Variants in SIL1 observed in about 807,000 individuals in gnomAD.
The protein encoded by SIL1 is nucleotide exchange factor SIL1.
SIL1 carries 40 observed loss-of-function variants against 49.1 expected under a neutral mutation model. That is an observed-to-expected ratio of 0.81 (90% confidence interval 0.63 to 1.06). The LOEUF (loss-of-function observed/expected upper bound fraction) is 1.06. Among genes scored for constraint, SIL1 ranks in the 50% least tolerant of loss-of-function variants. SIL1 has a pLI of 0.00. For synonymous variants in SIL1, 253 were observed against 250.8 expected (o/e 1.01, Z -0.08); for missense variants, 500 against 572.6 (o/e 0.87, Z 1.29).
At chr5:139,173,541 C>T (rs533842212) in intron 1 of SIL1, among the ~76,000 whole-genome samples, 61 of 151,908 alleles carry the variant, frequency 4.0e-4, no homozygotes, top group Non-Finnish European at 6.8e-4. Flanking sequence ...CAGAGTGAGA[C>T]GCTGTCTTAA....
intron 7 of SIL1, among the ~76,000 whole-genome samples, chr5:138,956,759 T>C (rs1287272177): frequency 1.4e-5 from 2 of 146,562 alleles, no homozygotes; most frequent in Non-Finnish European, 3.0e-5. Context: ...AAAAAAAAGA[T>C]ACAATTACCG....
chr5:139,038,907 A>T (rs998544194), intron 5 of SIL1, among the ~76,000 whole-genome samples: 6 of 152,238 alleles, frequency 3.9e-5, no homozygotes, highest in Non-Finnish European at 8.8e-5. Context: ...ACCCCAACAG[A>T]CACCATGTTA....
At chr5:139,101,896 C>T (rs896417784) in intron 3 of SIL1, among the ~76,000 whole-genome samples, 1 of 152,130 alleles carries the variant, frequency 6.6e-6, no homozygotes, top group African/African-American at 2.4e-5. Context: ...AATCCAGGGA[C>T]CACATAGAGA....
intron 1 of SIL1, among the ~76,000 whole-genome samples, chr5:139,174,937 C>CAAAAAAAAAAA (rs56959325): frequency 1.7e-5 from 1 of 59,844 alleles, no homozygotes; most frequent in African/African-American, 8.0e-5. Context: ...GACTGTGTCT[C>CAAAAAAAAAAA]AAAAAAAAAA....
chr5:139,014,755 G>C (rs1329751318), intron 7 of SIL1, among the ~76,000 whole-genome samples: 2 of 152,152 alleles, frequency 1.3e-5, no homozygotes, highest in Non-Finnish European at 2.9e-5. Context: ...AATTTCCTAG[G>C]CCAATCTCGG....
intron 9 of SIL1, among the ~76,000 whole-genome samples, chr5:138,949,181 G>A (rs1045487800): frequency 2.6e-5 from 4 of 152,140 alleles, no homozygotes; most frequent in African/African-American, 9.7e-5. Flanking sequence ...GTCCCCCTGC[G>A]GCCCTTCAGC....
chr5:139,109,469 T>G (rs1770794636), intron 3 of SIL1, among the ~76,000 whole-genome samples: 1 of 152,094 alleles, frequency 6.6e-6, no homozygotes, highest in Non-Finnish European at 1.5e-5. Flanking sequence ...CCTTCAAAAT[T>G]CACATTATTT....
chr5:139,029,273 G>A (rs904070101), intron 5 of SIL1, among the ~76,000 whole-genome samples: 1 of 152,210 alleles, frequency 6.6e-6, no homozygotes, highest in African/African-American at 2.4e-5. Flanking sequence ...CACTGCCACT[G>A]TTGATGAGCT....
intron 7 of SIL1, among the ~76,000 whole-genome samples, chr5:138,963,852 CT>C (rs1767078616): frequency 6.6e-6 from 1 of 152,192 alleles, no homozygotes; most frequent in South Asian, 2.1e-4. Flanking sequence ...TCAGGCCCCC[CT>C]AGCATGGGTT....
At chr5:139,004,599 T>C (rs192655285) in intron 7 of SIL1, among the ~76,000 whole-genome samples, 4 of 152,354 alleles carry the variant, frequency 2.6e-5, no homozygotes, top group African/African-American at 9.6e-5. Context: ...TCTAGTTTAC[T>C]TAATTACTCT....
At chr5:139,021,646 C>A (rs569990309) in intron 6 of SIL1, among the ~76,000 whole-genome samples, 36 of 152,232 alleles carry the variant, frequency 2.4e-4, no homozygotes, top group South Asian at 2.1e-3. Context: ...TCATCAGCAC[C>A]ACTAAATGGT....
At chr5:139,164,293 T>TAGA (rs1751575293) in intron 1 of SIL1, among the ~76,000 whole-genome samples, 2 of 152,134 alleles carry the variant, frequency 1.3e-5, no homozygotes, top group African/African-American at 4.8e-5. Context: ...CTTTCTCTAA[T>TAGA]GACTCCATCC....
intron 1 of SIL1, among the ~76,000 whole-genome samples, chr5:139,145,682 A>C (rs1038676914): frequency 8.2e-6 from 1 of 121,816 alleles, no homozygotes; most frequent in Non-Finnish European, 1.7e-5. Context: ...GTGTGTGTGT[A>C]TTTCCAATGG....
chr5:139,143,532 G>T (rs1467810851), intron 1 of SIL1, among the ~76,000 whole-genome samples: 1 of 151,652 alleles, frequency 6.6e-6, no homozygotes, highest in African/African-American at 2.4e-5. Flanking sequence ...CACCACACAT[G>T]GCTAAGTTTT....
At chr5:139,169,353 C>G (rs542767932) in intron 1 of SIL1, among the ~76,000 whole-genome samples, 1 of 152,150 alleles carries the variant, frequency 6.6e-6, no homozygotes, top group South Asian at 2.1e-4. Flanking sequence ...GGCAAAAGAT[C>G]TGCTTTCCAG....
intron 5 of SIL1, among the ~76,000 whole-genome samples, chr5:139,040,285 C>T (rs1430496975): frequency 3.9e-5 from 6 of 152,014 alleles, no homozygotes; most frequent in Non-Finnish European, 5.9e-5. Context: ...CAGATAGGCT[C>T]CAAATGAAAA....
intron 1 of SIL1, among the ~76,000 whole-genome samples, chr5:139,185,542 C>T (rs1193379503): frequency 1.3e-5 from 2 of 152,176 alleles, no homozygotes; most frequent in African/African-American, 4.8e-5. Flanking sequence ...GTCACAGTTT[C>T]CAAGAACTTA....
intron 3 of SIL1, among the ~76,000 whole-genome samples, chr5:139,052,341 T>C (rs1292598120): frequency 1.3e-5 from 2 of 152,118 alleles, no homozygotes; most frequent in African/African-American, 4.8e-5. Context: ...GGAACCTACA[T>C]ACAGTATATA....
chr5:139,042,281 G>T (rs1769064283), intron 5 of SIL1, among the ~76,000 whole-genome samples: 1 of 152,140 alleles, frequency 6.6e-6, no homozygotes, highest in African/African-American at 2.4e-5. Flanking sequence ...GTGAGGCAGA[G>T]ATCTGGGCCA....
Sources: gnomAD v4.1 joint callset for allele counts (sites outside exome capture counted in the v4.1 genomes callset) on GRCh38, gnomAD v4.1.1 for gene constraint, MANE v1.5 for transcripts, NCBI Gene and HGNC (gene_info 2026-07-23, HGNC 2026-07-21) for gene names.